Variants in ZNF292 observed in about 807,000 individuals in gnomAD.
ZNF292 encodes the protein zinc finger protein 292.
In ZNF292, 26 loss-of-function variants were observed where a neutral mutation model predicts 217.9. The ratio of observed to expected loss-of-function variants is 0.12; its 90% CI spans 0.09 to 0.17. The LOEUF is 0.17. Among genes scored for constraint, ZNF292 ranks in the 10% least tolerant of loss-of-function variants. The pLI is 1.00. For synonymous variants in ZNF292, 1,257 were observed against 1,124.1 expected (o/e 1.12, Z -2.37); for missense variants, 2,904 against 3,175.2 (o/e 0.91, Z 2.05).
Position 87,257,283 on chromosome 6 carries a change from G to A in ZNF292, c.3654G>A (p.Gln1218=), listed in dbSNP as rs1403597200. Residue 1218 remains glutamine (Q), a synonymous_variant, in exon 8 of 8, where the codon CAG becomes CAA. Coordinates refer to ENST00000369577, the MANE Select transcript of ZNF292 (RefSeq NM_015021.3). ...ESVINPNITS[Q]DKNEQGGMLC... The stretch of plus-strand genomic sequence containing the variant: ...TCATAAATCCAAATATAACTTCTCA[G>A]GATAAAAATGAACAAGGTGGTATGT... 3 of 1,613,392 alleles carry A rather than the reference G, an allele frequency of 1.9e-6. No homozygotes were observed. The African/African-American group carries it at 4.0e-5, about 22-fold the overall frequency.
chr6:87,242,812 T>C (rs1774365613), intron 5 of ZNF292, among the ~76,000 whole-genome samples: 1 of 152,228 alleles, frequency 6.6e-6, no homozygotes, highest in Non-Finnish European at 1.5e-5. Flanking sequence ...ATCATAGATG[T>C]AAGTGCATCA....
In ZNF292 at chr6:87,155,621, G is replaced by A. The variant is rs1457690501; in HGVS notation, c.30G>A (p.Arg10=). 1.3e-6 allele frequency: 2 copies of A among 1,583,770 alleles called. No individual in the cohort carries two copies. The highest frequency in any genetic ancestry group is 2.3e-5 in the South Asian group (2 of 86,688). The change falls in exon 1 of 8, where the codon AGG becomes AGA. Residue 10 remains arginine (R), a synonymous_variant. Coordinates refer to ENST00000369577, the MANE Select transcript of ZNF292 (RefSeq NM_015021.3). The part of the protein sequence containing the change: MADEEAEQE[R]LSCGEGGCVA... ...CGGACGAAGAGGCCGAGCAGGAGAG[G>A]TTGAGTTGCGGCGAAGGCGGCTGCG...
chr6:87,238,733 G>A (rs1015434235), intron 5 of ZNF292, among the ~76,000 whole-genome samples: 1 of 150,462 alleles, frequency 6.6e-6, no homozygotes, highest in African/African-American at 2.5e-5. Flanking sequence ...TCGCAGAGGG[G>A]CATTTGGCAG....
At chr6:87,162,229 A>G (rs1011891045) in intron 1 of ZNF292, among the ~76,000 whole-genome samples, 4 of 152,226 alleles carry the variant, frequency 2.6e-5, no homozygotes, top group African/African-American at 9.6e-5. Flanking sequence ...CCTGATTGGT[A>G]TAAGAAATAA....
intron 5 of ZNF292, among the ~76,000 whole-genome samples, chr6:87,233,990 A>T (rs114360611): frequency 6.6e-6 from 1 of 152,296 alleles, no homozygotes; most frequent in African/African-American, 2.4e-5. Flanking sequence ...TATCATTTTG[A>T]GTACGTATTT....
At chr6:87,211,885 TTGTC>T (rs1408743194) in intron 1 of ZNF292, among the ~76,000 whole-genome samples, 6 of 152,194 alleles carry the variant, frequency 3.9e-5, no homozygotes, top group Admixed American at 3.3e-4. Context: ...ACATTTATCT[TTGTC>T]TGTTCATATG....
chr6:87,205,850 A>G (rs1772236714), intron 1 of ZNF292, among the ~76,000 whole-genome samples: 1 of 152,016 alleles, frequency 6.6e-6, no homozygotes, highest in Non-Finnish European at 1.5e-5. Context: ...TTATACTCTG[A>G]GTTTATCCTG....
rs1775704574 is a variant in ZNF292 at position 87,263,404 on chromosome 6, G to A, written c.*1603G>A. On this transcript the variant is annotated 3_prime_UTR_variant, in exon 8 of 8. Transcript: ENST00000369577. ...TGGTATGAAAATGTGTACATTCCCT[G>A]TGCAACATCAGATTTGCAGGAAAAA... 6.6e-6 allele frequency: 1 copy of A among 152,004 alleles called. No homozygotes were observed. The highest frequency in any genetic ancestry group is 1.5e-5 in the Non-Finnish European group (1 of 67,948). The allele number at this position is 152,004 out of a possible 1,614,324, so 9.4% of individuals were successfully genotyped here. A position where few individuals can be genotyped will look rare whatever the true frequency, so the allele number is the denominator to read the frequency against.
chr6:87,176,072 G>T (rs1226728630), intron 1 of ZNF292, among the ~76,000 whole-genome samples: 1 of 151,520 alleles, frequency 6.6e-6, no homozygotes, highest in African/African-American at 2.4e-5. Context: ...TATGTGTGGT[G>T]GGGGGGGCTT....
intron 1 of ZNF292, among the ~76,000 whole-genome samples, chr6:87,181,367 G>A (rs1562126481): frequency 6.6e-6 from 1 of 152,084 alleles, no homozygotes; most frequent in Non-Finnish European, 1.5e-5. Flanking sequence ...CAATATTCAG[G>A]TGCCTCTTTC....
Position 87,257,587 on chromosome 6 carries a change from T to G in ZNF292, c.3958T>G (p.Phe1320Val). The change falls in exon 8 of 8, where the codon TTT becomes GTT. Residue 1320 changes from phenylalanine (F) to valine (V), a missense_variant. Physicochemically the swap from Phe to Val is conservative, Grantham distance 50. Around this residue, in one of 15 missense-constraint regions of ZNF292, gnomAD observed 687 missense variants for 623.0 expected, o/e 1.10. Coordinates refer to ENST00000369577, the MANE Select transcript of ZNF292 (RefSeq NM_015021.3). ...LKGGNGENAV[F>V]PSQVNVANNF... The stretch of plus-strand genomic sequence containing the variant: ...GGGGGGTAATGGTGAAAATGCAGTT[T>G]TTCCTTCACAAGTGAATGTTGCAAA... 6.2e-7 allele frequency: 1 copy of G among 1,606,358 alleles called. No individual in the cohort carries two copies. The highest frequency in any genetic ancestry group is 8.5e-7 in the Non-Finnish European group (1 of 1,175,946).
chr6:87,223,824 C>A (rs182659560), intron 4 of ZNF292: 2 of 152,130 alleles, frequency 1.3e-5, no homozygotes, highest in Non-Finnish European at 2.9e-5. Context: ...GCTCATCTGG[C>A]GTATTTCCTG....
intron 5 of ZNF292, among the ~76,000 whole-genome samples, chr6:87,240,093 C>T (rs1774187536): frequency 6.6e-6 from 1 of 152,198 alleles, no homozygotes; most frequent in African/African-American, 2.4e-5. Context: ...ACTCCATCTG[C>T]AATCCCGGCA....
intron 1 of ZNF292, among the ~76,000 whole-genome samples, chr6:87,198,500 G>A (rs1294440009): frequency 3.3e-5 from 5 of 152,072 alleles, no homozygotes; most frequent in South Asian, 2.1e-4. Context: ...AGCCACGCCC[G>A]GCCCATTGCA....
At chr6:87,161,316 G>A (rs945734314) in intron 1 of ZNF292, among the ~76,000 whole-genome samples, 14 of 152,222 alleles carry the variant, frequency 9.2e-5, no homozygotes, top group Middle Eastern at 6.8e-3. Context: ...TAAAAGATAC[G>A]GGCAACTAGT....
intron 1 of ZNF292, among the ~76,000 whole-genome samples, chr6:87,209,918 G>A (rs1772410911): frequency 6.6e-6 from 1 of 152,158 alleles, no homozygotes. Flanking sequence ...CTGTTCTAGA[G>A]AACCCTAGAT....
rs771076892 is a variant in ZNF292, at chr6:87,256,692, A to T, written c.3063A>T (p.Leu1021Phe). The stretch of plus-strand genomic sequence containing the variant: ...TAGGTGACCTTACCCCACAAAACTT[A>T]GAAAGACAAGTGAACAACTTGATGA... ...LKIGDLTPQN[L>F]ERQVNNLMTF... Residue 1021 changes from leucine to phenylalanine, a missense_variant, in exon 8 of 8, where the codon TTA becomes TTT. By Grantham distance (22) the Leu-to-Phe change is conservative. Transcript: ENST00000369577. 1.9e-5 allele frequency: 31 copies of T among 1,613,186 alleles called. No homozygotes were observed. The highest frequency in any genetic ancestry group is 2.5e-5 in the Non-Finnish European group (30 of 1,179,838).
chr6:87,261,869 A>G lies in ZNF292; in HGVS notation c.*68A>G. The G allele has an allele frequency of 8.9e-7, 1 of 1,118,454 alleles. No individual in the cohort carries two copies. The allele number at this position is 1,118,454 out of a possible 1,614,324, so 69.3% of individuals were successfully genotyped here. A position where few individuals can be genotyped will look rare whatever the true frequency, so the allele number is the denominator to read the frequency against. ...AATAGGAAGCCATCAAGCATGCTAG[A>G]ATTGTGAAACTTTCATTATATTTTT... On this transcript the variant is annotated 3_prime_UTR_variant, in exon 8 of 8. Coordinates refer to ENST00000369577, the MANE Select transcript of ZNF292 (RefSeq NM_015021.3).
At chr6:87,222,028 C>T (rs1238278421) in intron 4 of ZNF292, among the ~76,000 whole-genome samples, 1 of 152,098 alleles carries the variant, frequency 6.6e-6, no homozygotes, top group Non-Finnish European at 1.5e-5. Flanking sequence ...TCTCAATCTA[C>T]GTTTGTATAC....
Sources: gnomAD v4.1 joint callset for allele counts (sites outside exome capture counted in the v4.1 genomes callset) on GRCh38, gnomAD v4.1.1 for gene constraint, gnomAD v4.1.1 regional missense constraint, MANE v1.5 for transcripts, NCBI Gene and HGNC (gene_info 2026-07-23, HGNC 2026-07-21) for gene names.